Variants in GPHN observed in about 807,000 individuals in gnomAD.
The protein encoded by GPHN is gephyrin.
GPHN carries 17 observed loss-of-function variants against 95.5 expected under a neutral mutation model. The ratio of observed to expected loss-of-function variants is 0.18; its 90% confidence interval spans 0.12 to 0.27. The LOEUF (loss-of-function observed/expected upper bound fraction) is 0.27. Among genes scored for constraint, GPHN ranks in the 10% least tolerant of loss-of-function variants. The probability of loss-of-function intolerance (pLI) is 1.00; values close to 1 mark genes in which losing one functional copy is unlikely to be tolerated. For missense variants in GPHN, 660 were observed against 978.1 expected (o/e 0.67, Z 4.34); for synonymous variants, 320 against 322.5 (o/e 0.99, Z 0.08).
chr14:66,704,336 C>T (rs200085075), intron 2 of GPHN, among the ~76,000 whole-genome samples: 2 of 151,982 alleles, frequency 1.3e-5, no homozygotes, highest in Non-Finnish European at 2.9e-5. Context: ...CTACAGAATT[C>T]TCCACCCTAA....
At chr14:67,686,638 CAAA>C in the GPHN span, among the ~76,000 whole-genome samples, 403 of 80,164 alleles carry the variant, frequency 5.0e-3, 2 homozygotes, top group Non-Finnish European at 5.8e-3. Context: ...GACACCGGTG[CAAA>C]AAAAAAAAAA....
At chr14:66,622,504 A>G (rs1315123045) in intron 1 of GPHN, among the ~76,000 whole-genome samples, 1 of 151,980 alleles carries the variant, frequency 6.6e-6, no homozygotes, top group Non-Finnish European at 1.5e-5. Context: ...AGAAAATGGG[A>G]TTTTCTTTTC....
At chr14:67,656,583 G>C in the GPHN span, 23 of 1,599,748 alleles carry the variant, frequency 1.4e-5, no homozygotes, top group Non-Finnish European at 2.0e-5. Flanking sequence ...TGAGACTGTA[G>C]CCGATTCTGA....
chr14:67,075,456 G>A (rs1014683031), intron 11 of GPHN, among the ~76,000 whole-genome samples: 1 of 152,144 alleles, frequency 6.6e-6, no homozygotes, highest in Non-Finnish European at 1.5e-5. Context: ...GTAGTCCATA[G>A]ATCAAGGAGT....
At chr14:66,785,086 G>A (rs955604057) in intron 3 of GPHN, among the ~76,000 whole-genome samples, 7 of 152,178 alleles carry the variant, frequency 4.6e-5, no homozygotes, top group African/African-American at 1.7e-4. Context: ...AGCAGGAGTG[G>A]GCTGGGCACA....
the GPHN span, among the ~76,000 whole-genome samples, chr14:67,644,043 CTGTT>C: frequency 6.6e-6 from 1 of 152,120 alleles, no homozygotes; most frequent in Non-Finnish European, 1.5e-5. Flanking sequence ...TCAAGTCTCA[CTGTT>C]TGGGGACCAC....
At chr14:67,328,645 A>G in the GPHN span, among the ~76,000 whole-genome samples, 1 of 152,296 alleles carries the variant, frequency 6.6e-6, no homozygotes. Flanking sequence ...ATCTTGAATT[A>G]ACTTTTGTAT....
At chr14:67,316,133 C>G in the GPHN span, among the ~76,000 whole-genome samples, 1 of 152,138 alleles carries the variant, frequency 6.6e-6, no homozygotes, top group Non-Finnish European at 1.5e-5. Flanking sequence ...CAACGTAATT[C>G]AGAATCTTCT....
At chr14:67,028,919 T>C (rs868658205) in intron 10 of GPHN, among the ~76,000 whole-genome samples, 1 of 152,214 alleles carries the variant, frequency 6.6e-6, no homozygotes. Context: ...TTTGAAGTCT[T>C]AGCCAAAAAA....
the GPHN span, chr14:67,198,383 T>C: frequency 6.9e-7 from 1 of 1,442,806 alleles, no homozygotes; most frequent in East Asian, 2.3e-5. Context: ...CAAAGAAAAC[T>C]GAAAAGGATG....
At chr14:66,616,427 T>C (rs991178985) in intron 1 of GPHN, among the ~76,000 whole-genome samples, 1 of 108,426 alleles carries the variant, frequency 9.2e-6, no homozygotes, top group Non-Finnish European at 1.6e-5. Context: ...CTTTGTGTTT[T>C]GTTGTTGTTG....
At chr14:67,490,659 T>C in the GPHN span, among the ~76,000 whole-genome samples, 1,543 of 152,284 alleles carry the variant, frequency 0.01, 19 homozygotes, top group Middle Eastern at 0.024. Context: ...GAGTCTCTGC[T>C]TCTCTGACCA....
At position 66,688,146 on chromosome 14, in the gene GPHN, TAAG is replaced by T. The variant is rs371035605; in HGVS notation, c.143+6964_143+6966del. 3.6e-3 allele frequency among the ~76,000 whole-genome samples: 552 copies of T among 152,282 alleles called. 10 individuals are homozygous for T. The highest frequency in any genetic ancestry group is 0.013 in the African/African-American group (526 of 41,552). ...TAAACTAGAGAAAAGAAAGTATTAT[TAAG>T]AATAACAAAATTAAGAAAAAGAAAA... On this transcript the variant is annotated intron_variant, in intron 2 of 22. Coordinates refer to ENST00000478722, the MANE Select transcript of GPHN (RefSeq NM_020806.5).
the GPHN span, chr14:67,199,525 A>G: frequency 6.2e-7 from 1 of 1,611,866 alleles, no homozygotes; most frequent in Non-Finnish European, 8.5e-7. Context: ...TTGATGCTTC[A>G]GTTGCAGCAA....
chr14:67,056,979 G>A (rs1217822011), intron 10 of GPHN, among the ~76,000 whole-genome samples: 1 of 152,186 alleles, frequency 6.6e-6, no homozygotes, highest in East Asian at 1.9e-4. Flanking sequence ...CCTCACTGCA[G>A]GGCCCGCCGT....
chr14:67,264,592 T>A, the GPHN span, among the ~76,000 whole-genome samples: 1,024 of 152,332 alleles, frequency 6.7e-3, 11 homozygotes, highest in African/African-American at 0.023. Context: ...TTGTTCTGCA[T>A]GTAGATATCC....
chr14:66,981,264 A>G (rs1320002939), intron 9 of GPHN, among the ~76,000 whole-genome samples: 4 of 152,256 alleles, frequency 2.6e-5, no homozygotes, highest in East Asian at 1.9e-4. Context: ...TTTGTATATT[A>G]ATCACCTCTC....
intron 3 of GPHN, among the ~76,000 whole-genome samples, chr14:66,793,895 CAT>C (rs923393832): frequency 1.4e-4 from 22 of 151,944 alleles, no homozygotes; most frequent in African/African-American, 4.6e-4. Context: ...ATATAGAAAA[CAT>C]AGAGAAAAAT....
chr14:66,948,578 G>A (rs921647791), intron 8 of GPHN, among the ~76,000 whole-genome samples: 1 of 152,126 alleles, frequency 6.6e-6, no homozygotes, highest in African/African-American at 2.4e-5. Context: ...TCTGTCACCA[G>A]CAAATATGTT....
Sources: allele counts gnomAD v4.1 joint callset (sites outside exome capture counted in the v4.1 genomes callset), GRCh38; gene constraint gnomAD v4.1.1; transcripts MANE v1.5; gene names NCBI Gene and HGNC (gene_info 2026-07-23, HGNC 2026-07-21).